The following ABTB2 variants were observed in gnomAD, a reference collection of about 807,000 sequenced individuals.
ABTB2 encodes the protein ankyrin repeat and BTB domain containing 2.
A neutral mutation model predicts 104.1 loss-of-function variants in ABTB2; 56 were observed. The observed-to-expected ratio is 0.54, with a 90% CI of 0.43 to 0.67. The LOEUF is 0.67. ABTB2 is among the 30% of genes least tolerant of loss of function. ABTB2 has a pLI of 0.00. For missense variants in ABTB2, 1,279 were observed against 1,407.7 expected (o/e 0.91, Z 1.46); for synonymous variants, 606 against 608.2 (o/e 1.00, Z 0.05).
intron 1 of ABTB2, among the ~76,000 whole-genome samples, chr11:34,353,150 C>T (rs969062344): frequency 1.3e-5 from 2 of 152,226 alleles, no homozygotes; most frequent in Non-Finnish European, 2.9e-5. Context: ...GTGCATGTTA[C>T]CACTAGGATA....
intron 1 of ABTB2, among the ~76,000 whole-genome samples, chr11:34,261,969 T>C (rs1181844509): frequency 6.6e-6 from 1 of 152,338 alleles, no homozygotes. Context: ...GGTGGGGTGC[T>C]GGTTTTCATA....
chr11:34,180,998 T>C (rs1853019188), intron 3 of ABTB2, among the ~76,000 whole-genome samples: 1 of 152,172 alleles, frequency 6.6e-6, no homozygotes, highest in Non-Finnish European at 1.5e-5. Context: ...TCCGCCTCCC[T>C]GGTGCAAGCG....
intron 1 of ABTB2, among the ~76,000 whole-genome samples, chr11:34,326,360 C>T (rs1855070653): frequency 6.6e-6 from 1 of 152,142 alleles, no homozygotes; most frequent in African/African-American, 2.4e-5. Context: ...CAGTGGCTCA[C>T]ATTTGTAATC....
At chr11:34,268,005 A>G (rs1044456981) in intron 1 of ABTB2, among the ~76,000 whole-genome samples, 5 of 152,170 alleles carry the variant, frequency 3.3e-5, no homozygotes, top group Non-Finnish European at 7.3e-5. Context: ...ATCTCGGCTC[A>G]CTACAACCTC....
intron 2 of ABTB2, among the ~76,000 whole-genome samples, chr11:34,198,243 G>C (rs1263017042): frequency 1.3e-5 from 2 of 152,072 alleles, no homozygotes; most frequent in Admixed American, 6.5e-5. Context: ...TGGCCAACAT[G>C]GTGAAACCCT....
intron 1 of ABTB2, among the ~76,000 whole-genome samples, chr11:34,340,017 A>C (rs974989579): frequency 2.0e-5 from 3 of 151,486 alleles, no homozygotes; most frequent in Admixed American, 2.0e-4. Flanking sequence ...ATAACTGCAC[A>C]GTATGCTTCT....
chr11:34,184,134 C>G (rs1853064600), intron 3 of ABTB2, among the ~76,000 whole-genome samples: 1 of 151,208 alleles, frequency 6.6e-6, no homozygotes, highest in Non-Finnish European at 1.5e-5. Context: ...GCCTCCAGGA[C>G]TGTTCATTAA....
At chr11:34,245,226 G>A (rs1590228465) in intron 1 of ABTB2, among the ~76,000 whole-genome samples, 2 of 152,088 alleles carry the variant, frequency 1.3e-5, no homozygotes. Context: ...GTTCAGCACC[G>A]TTTCCTCTCC....
At chr11:34,240,819 T>C (rs958914253) in intron 1 of ABTB2, among the ~76,000 whole-genome samples, 3 of 152,216 alleles carry the variant, frequency 2.0e-5, no homozygotes, top group Non-Finnish European at 4.4e-5. Context: ...GGTCTCGAAC[T>C]CCTGACCTCA....
intron 1 of ABTB2, among the ~76,000 whole-genome samples, chr11:34,279,787 C>CTT (rs397849748): frequency 0.14 from 18,358 of 129,402 alleles, 1,603 homozygotes; most frequent in African/African-American, 0.21. Flanking sequence ...CTTTCTTCTT[C>CTT]TTTTTTTTTT....
At chr11:34,233,187 G>C (rs1853795024) in intron 1 of ABTB2, among the ~76,000 whole-genome samples, 1 of 150,140 alleles carries the variant, frequency 6.7e-6, no homozygotes, top group African/African-American at 2.5e-5. Context: ...GACACAATTA[G>C]GACACCTGGG....
intron 1 of ABTB2, among the ~76,000 whole-genome samples, chr11:34,221,305 G>A (rs78528433): frequency 0.016 from 2,397 of 152,264 alleles, 30 homozygotes; most frequent in Middle Eastern, 0.027. Context: ...CGGCCATACT[G>A]AGTTAAGGCC....
At chr11:34,350,533 T>G (rs1855386316) in intron 1 of ABTB2, among the ~76,000 whole-genome samples, 1 of 152,176 alleles carries the variant, frequency 6.6e-6, no homozygotes, top group Non-Finnish European at 1.5e-5. Flanking sequence ...TAATGGCTCT[T>G]TAAAATCAGT....
intron 1 of ABTB2, among the ~76,000 whole-genome samples, chr11:34,245,709 C>T (rs563356211): frequency 6.6e-6 from 1 of 152,290 alleles, no homozygotes; most frequent in African/African-American, 2.4e-5. Flanking sequence ...GGCTCATACA[C>T]TCTGATGTAC....
chr11:34,165,848 G>A (rs1374888106), intron 7 of ABTB2, among the ~76,000 whole-genome samples: 1 of 152,242 alleles, frequency 6.6e-6, no homozygotes, highest in African/African-American at 2.4e-5. Flanking sequence ...TGGGAAGAGG[G>A]GCTTGCTTCC....
At chr11:34,299,111 T>C (rs974159953) in intron 1 of ABTB2, among the ~76,000 whole-genome samples, 3 of 152,334 alleles carry the variant, frequency 2.0e-5, no homozygotes, top group Non-Finnish European at 4.4e-5. Context: ...GGAACGGATC[T>C]TTTTAGCAGA....
At chr11:34,239,778 G>C (rs1455408898) in intron 1 of ABTB2, among the ~76,000 whole-genome samples, 1 of 152,174 alleles carries the variant, frequency 6.6e-6, no homozygotes, top group Non-Finnish European at 1.5e-5. Context: ...AGGGAACACT[G>C]ACATTTGGGG....
chr11:34,341,472 A>T (rs1486217789), intron 1 of ABTB2, among the ~76,000 whole-genome samples: 2 of 152,204 alleles, frequency 1.3e-5, no homozygotes, highest in Non-Finnish European at 2.9e-5. Context: ...GACCCACTCT[A>T]ATGGCTGTAT....
chr11:34,157,903 C>T (rs897810643), intron 14 of ABTB2, among the ~76,000 whole-genome samples: 5 of 152,348 alleles, frequency 3.3e-5, no homozygotes, highest in Admixed American at 2.6e-4. Context: ...GGCTGTTTTG[C>T]ACATCCTGGG....
Sources: allele counts gnomAD v4.1 joint callset (sites outside exome capture counted in the v4.1 genomes callset), GRCh38; gene constraint gnomAD v4.1.1; transcripts MANE v1.5; gene names NCBI Gene and HGNC (gene_info 2026-07-23, HGNC 2026-07-21).